The following MYT1L variants were observed in gnomAD, a reference collection of about 807,000 sequenced individuals.
The protein encoded by MYT1L is myelin transcription factor 1 like.
MYT1L carries 12 observed loss-of-function variants against 126.7 expected under a neutral mutation model. That is an observed-to-expected ratio of 0.09 (90% CI 0.06 to 0.15). The LOEUF is 0.15. MYT1L is among the 10% of genes least tolerant of loss of function. MYT1L has a pLI of 1.00. For synonymous variants in MYT1L, 541 were observed against 604.2 expected, an observed-to-expected ratio of 0.90 and a Z score of 1.53; for missense variants, 979 against 1,585.2, an observed-to-expected ratio of 0.62 and a Z score of 6.49.
Position 2,082,593 on chromosome 2 carries a change from G to A in MYT1L, c.-303-28470C>T, listed in dbSNP as rs982655900. Among the ~76,000 whole-genome samples, 3 of 152,284 alleles carry A rather than the reference G, an allele frequency of 2.0e-5. No homozygotes were observed. The East Asian group carries it at 5.8e-4, about 29-fold the overall frequency. Reference sequence around the variant, plus strand: ...ACATTTATAATAATAGAATCATCATGTGAGAATGTTTTATGGGAACTAAAA... The same window carrying A: ...ACATTTATAATAATAGAATCATCATATGAGAATGTTTTATGGGAACTAAAA... On this transcript the variant is annotated intron_variant, in intron 3 of 24. Transcript: ENST00000647738.
intron 2 of MYT1L, among the ~76,000 whole-genome samples, chr2:2,181,187 T>A (rs1559252380): frequency 6.6e-6 from 1 of 151,884 alleles, no homozygotes; most frequent in Non-Finnish European, 1.5e-5. Flanking sequence ...TCTGTACCTA[T>A]GATCTATGTG....
chr2:1,902,012 C>A (rs1299091548), intron 14 of MYT1L, among the ~76,000 whole-genome samples: 1 of 152,152 alleles, frequency 6.6e-6, no homozygotes, highest in African/African-American at 2.4e-5. Flanking sequence ...AAAACTATTT[C>A]CTTCCCCTGT....
chr2:2,170,091 G>T (rs1483966266), intron 3 of MYT1L, among the ~76,000 whole-genome samples: 1 of 152,122 alleles, frequency 6.6e-6, no homozygotes, highest in Non-Finnish European at 1.5e-5. Context: ...CTCCACCCTG[G>T]GTACCACGCT....
intron 16 of MYT1L, among the ~76,000 whole-genome samples, chr2:1,888,136 C>T (rs962297794): frequency 6.6e-5 from 10 of 152,186 alleles, no homozygotes; most frequent in Non-Finnish European, 1.5e-4. Flanking sequence ...ACTGCAGTAA[C>T]GTAGATGTTT....
chr2:2,069,379 A>G (rs763269271), intron 3 of MYT1L, among the ~76,000 whole-genome samples: 1 of 152,152 alleles, frequency 6.6e-6, no homozygotes, highest in South Asian at 2.1e-4. Context: ...AACTTCATCC[A>G]TGTCCCTTCA....
rs537287184 is a variant in MYT1L, at chr2:1,943,236, C to G, written c.251G>C (p.Ser84Thr). 15 of 1,553,966 alleles carry G rather than the reference C, an allele frequency of 9.7e-6. No homozygotes were observed. In the African/African-American group the frequency reaches 1.6e-4, roughly 17 times the overall value. The stretch of plus-strand genomic sequence containing the variant: ...GTCGTCACACTCATCCACTGAGGAG[C>G]TGTCTGCTTTCACGGCAAATGGCTT... ...KRKPFAVKADSSSVDECDDSD... is the reference protein window; with the variant it reads ...KRKPFAVKADTSSVDECDDSD... The change falls in exon 9 of 25, where the codon AGC becomes ACC. Residue 84 changes from serine to threonine, a missense_variant. Ser to Thr is a moderately conservative substitution (Grantham distance 58). Coordinates refer to ENST00000647738, the MANE Select transcript of MYT1L (RefSeq NM_001303052.2). The surrounding 1 kb of genome is among the most constrained non-coding windows in gnomAD (Gnocchi z 4.4).
At chr2:2,167,918 TCAAA>T (rs541198449) in intron 3 of MYT1L, among the ~76,000 whole-genome samples, 98 of 152,338 alleles carry the variant, frequency 6.4e-4, no homozygotes, top group African/African-American at 2.2e-3. Context: ...AGTAGTTGAC[TCAAA>T]CATACGTTAT....
intron 3 of MYT1L, among the ~76,000 whole-genome samples, chr2:2,087,087 C>T (rs762614816): frequency 2.6e-5 from 4 of 152,164 alleles, no homozygotes; most frequent in Admixed American, 1.3e-4. Flanking sequence ...CCCCTGCAAC[C>T]AGGATTCCAC....
At position 1,801,857 on chromosome 2, in the gene MYT1L, A is replaced by G. The variant is rs2034912491; in HGVS notation, c.3173-58T>C. 2.7e-6 allele frequency: 3 copies of G among 1,094,740 alleles called. No homozygotes were observed. The South Asian group carries it at 4.6e-5, about 17-fold the overall frequency. The allele number at this position is 1,094,740 out of a possible 1,614,324, so 67.8% of individuals were successfully genotyped here. ...TTATATACAAAAATATTAGAGTTAG[A>G]ATTTTGGGAGCTTTCTTTGTTCCTT... On this transcript the variant is annotated intron_variant, in intron 22 of 24. Coordinates refer to ENST00000647738, the MANE Select transcript of MYT1L (RefSeq NM_001303052.2). This position sits in a 1 kb window ranked among gnomAD's most constrained non-coding sequence, Gnocchi z 4.2.
chr2:2,159,329 C>G lies in MYT1L; in HGVS notation c.-304+13543G>C, dbSNP rs1201788396. Among the ~76,000 whole-genome samples, 4 of 152,148 alleles carry G rather than the reference C, an allele frequency of 2.6e-5. No homozygotes were observed. The East Asian group carries it at 7.8e-4, about 30-fold the overall frequency. ...TGGTCTCTTCGGGGTCCTCAAAACTCTTAGGTGTCGGCACTGAACACACCC... is the reference window on the plus strand; with the variant it reads ...TGGTCTCTTCGGGGTCCTCAAAACTGTTAGGTGTCGGCACTGAACACACCC... On this transcript the variant is annotated intron_variant, in intron 3 of 24. Coordinates refer to ENST00000647738, the MANE Select transcript of MYT1L (RefSeq NM_001303052.2).
At chr2:2,286,756 G>A (rs192579151) in intron 1 of MYT1L, among the ~76,000 whole-genome samples, 1 of 152,276 alleles carries the variant, frequency 6.6e-6, no homozygotes, top group Admixed American at 6.5e-5. Context: ...AAAGCACCAG[G>A]CATTGGCTTT....
chr2:2,221,288 C>G lies in MYT1L; in HGVS notation c.-420-48300G>C, dbSNP rs144112329. ...TTTAGTCTGGGCACCTCTTGGAGGGCGGACTGGGAACCGCTGGCATGGATT... is the reference window on the plus strand; with the variant it reads ...TTTAGTCTGGGCACCTCTTGGAGGGGGGACTGGGAACCGCTGGCATGGATT... On this transcript the variant is annotated intron_variant, in intron 2 of 24. Coordinates refer to ENST00000647738, the MANE Select transcript of MYT1L (RefSeq NM_001303052.2). Among the ~76,000 whole-genome samples the G allele has an allele frequency of 6.1e-3, 931 of 152,130 alleles. 10 individuals carry two copies. Among genetic ancestry groups the G allele is most frequent in the African/African-American group, 0.021 (877 of 41,520 alleles).
At chr2:2,217,744 A>G (rs1230306035) in intron 2 of MYT1L, among the ~76,000 whole-genome samples, 1 of 145,338 alleles carries the variant, frequency 6.9e-6, no homozygotes, top group Non-Finnish European at 1.5e-5. Flanking sequence ...GAAAAGAAAG[A>G]AAGAAAGAAA....
intron 8 of MYT1L, among the ~76,000 whole-genome samples, chr2:1,967,931 GGGA>G (rs1280253637): frequency 4.6e-5 from 7 of 152,170 alleles, no homozygotes; most frequent in African/African-American, 1.7e-4. Flanking sequence ...CAGGGAGCCT[GGGA>G]GGAGAGGAGC....
chr2:1,981,515 C>T (rs376781431), intron 5 of MYT1L, among the ~76,000 whole-genome samples: 1 of 152,122 alleles, frequency 6.6e-6, no homozygotes, highest in African/African-American at 2.4e-5. Flanking sequence ...TGAATGAGTC[C>T]ATTTGCTGGG....
intron 3 of MYT1L, among the ~76,000 whole-genome samples, chr2:2,110,218 C>T (rs2079263139): frequency 6.6e-6 from 1 of 151,818 alleles, no homozygotes; most frequent in Admixed American, 6.6e-5. Flanking sequence ...CTAAAACCTG[C>T]CCCTATTGAA....
chr2:1,930,532 T>A (rs1429601932), intron 9 of MYT1L, among the ~76,000 whole-genome samples: 3 of 152,218 alleles, frequency 2.0e-5, no homozygotes, highest in Admixed American at 1.3e-4. Flanking sequence ...CCACATCAGA[T>A]CCTCTGTGAT....
chr2:1,818,787 C>T (rs767624885), intron 21 of MYT1L, among the ~76,000 whole-genome samples: 6 of 152,174 alleles, frequency 3.9e-5, no homozygotes, highest in Non-Finnish European at 5.9e-5. Flanking sequence ...GCAATGGCAT[C>T]GTGGTCCCTT....
chr2:2,222,089 A>G (rs1266659008), intron 2 of MYT1L, among the ~76,000 whole-genome samples: 1 of 152,194 alleles, frequency 6.6e-6, no homozygotes, highest in Non-Finnish European at 1.5e-5. Flanking sequence ...CATAGGTAGA[A>G]CTATTTTTTC....
Sources: allele counts gnomAD v4.1 joint callset (sites outside exome capture counted in the v4.1 genomes callset), GRCh38; gene constraint gnomAD v4.1.1; non-coding constraint Gnocchi (gnomAD v3.1); transcripts MANE v1.5; gene names NCBI Gene and HGNC (gene_info 2026-07-23, HGNC 2026-07-21).